Variants in CNTN5 observed in about 807,000 individuals in gnomAD.
The protein encoded by CNTN5 is contactin 5, also known as contactin-5.
A neutral mutation model predicts 129.1 loss-of-function variants in CNTN5; 77 were observed. The observed-to-expected ratio is 0.60, with a 90% CI of 0.50 to 0.72. CNTN5 has a LOEUF of 0.72. Ranked by LOEUF, CNTN5 falls within the 30% of genes least tolerant of loss-of-function variation. The pLI is 0.00. For missense variants in CNTN5, 1,478 were observed against 1,328.8 expected, an observed-to-expected ratio of 1.11 and a Z score of -1.75; for synonymous variants, 509 against 465.6, an observed-to-expected ratio of 1.09 and a Z score of -1.20.
chr11:99,432,434 TCTTTC>T (rs1178224774), intron 2 of CNTN5, among the ~76,000 whole-genome samples: 17 of 147,292 alleles, frequency 1.2e-4, no homozygotes, highest in African/African-American at 3.5e-4. Context: ...CTTTTCCTTT[TCTTTC>T]CTTTTCTTTT....
intron 1 of CNTN5, among the ~76,000 whole-genome samples, chr11:99,061,975 G>A (rs1334559250): frequency 6.8e-6 from 1 of 146,326 alleles, no homozygotes; most frequent in Non-Finnish European, 1.5e-5. Context: ...GTGGGCAACA[G>A]AGTAAGATCC....
At chr11:99,655,388 C>T (rs971136141) in intron 3 of CNTN5, among the ~76,000 whole-genome samples, 3 of 152,072 alleles carry the variant, frequency 2.0e-5, no homozygotes, top group African/African-American at 7.2e-5. Flanking sequence ...ACTTGGCAAA[C>T]GATTCTTGTC....
intron 1 of CNTN5, among the ~76,000 whole-genome samples, chr11:99,040,833 G>T (rs1242639755): frequency 1.3e-5 from 2 of 151,898 alleles, no homozygotes; most frequent in Non-Finnish European, 2.9e-5. Context: ...TACCTTTTAC[G>T]GTGAAAGAAG....
At chr11:99,102,038 T>C (rs959368664) in intron 1 of CNTN5, among the ~76,000 whole-genome samples, 2 of 152,314 alleles carry the variant, frequency 1.3e-5, no homozygotes, top group Middle Eastern at 3.4e-3. Flanking sequence ...ACCTCAATTC[T>C]TGATTTTGTG....
At chr11:99,550,199 A>T (rs1948436866) in intron 2 of CNTN5, among the ~76,000 whole-genome samples, 1 of 152,158 alleles carries the variant, frequency 6.6e-6, no homozygotes, top group African/African-American at 2.4e-5. Context: ...CAGGACACAA[A>T]ACTGTCATTT....
At chr11:100,099,827 G>A (rs922315703) in intron 13 of CNTN5, among the ~76,000 whole-genome samples, 5 of 151,892 alleles carry the variant, frequency 3.3e-5, no homozygotes, top group South Asian at 2.1e-4. Flanking sequence ...ACTAAGTTAC[G>A]TGTTATCTCA....
intron 3 of CNTN5, among the ~76,000 whole-genome samples, chr11:99,685,395 T>C (rs1222660801): frequency 1.3e-5 from 2 of 151,884 alleles, no homozygotes; most frequent in African/African-American, 2.4e-5. Context: ...TGTTGAAATA[T>C]GCTGTTTAAA....
chr11:99,160,023 A>C (rs1259763540), intron 1 of CNTN5, among the ~76,000 whole-genome samples: 1 of 152,210 alleles, frequency 6.6e-6, no homozygotes, highest in East Asian at 1.9e-4. Flanking sequence ...AAACAAGAGT[A>C]GTCTCTGTGT....
chr11:99,921,889 A>T (rs985378621), intron 7 of CNTN5, among the ~76,000 whole-genome samples: 4 of 152,348 alleles, frequency 2.6e-5, no homozygotes, highest in Middle Eastern at 3.4e-3. Flanking sequence ...AACCTTTCTT[A>T]AAATTTACCT....
At chr11:100,147,155 C>T (rs1284304021) in intron 13 of CNTN5, among the ~76,000 whole-genome samples, 1 of 152,100 alleles carries the variant, frequency 6.6e-6, no homozygotes, top group Non-Finnish European at 1.5e-5. Context: ...TCTGCCAGCC[C>T]ACCTCAAATT....
In CNTN5 at chr11:99,371,628, GA is replaced by G. The variant is rs538198665; in HGVS notation, c.-71+46153del. The stretch of plus-strand genomic sequence containing the variant: ...TAACTTTGATATCCAATATTAAGGA[GA>G]AAAAAAAATATTACTCTGCTTACAG... On this transcript the variant is annotated intron_variant, in intron 2 of 24. Coordinates refer to ENST00000524871, the MANE Select transcript of CNTN5 (RefSeq NM_014361.4). Among the ~76,000 whole-genome samples, 880 of 151,180 alleles carry G rather than the reference GA, an allele frequency of 5.8e-3. 8 individuals carry two copies. The highest frequency in any genetic ancestry group is 0.019 in the African/African-American group (799 of 41,294).
intron 2 of CNTN5, among the ~76,000 whole-genome samples, chr11:99,329,539 T>C (rs1865918603): frequency 6.6e-6 from 1 of 152,104 alleles, no homozygotes. Context: ...TCCTACAACA[T>C]AAGAAGGGCT....
intron 21 of CNTN5, among the ~76,000 whole-genome samples, chr11:100,310,287 C>T (rs1951446399): frequency 6.6e-6 from 1 of 151,818 alleles, no homozygotes; most frequent in African/African-American, 2.4e-5. Context: ...AACCCAGGCT[C>T]CTATATCTCA....
intron 2 of CNTN5, among the ~76,000 whole-genome samples, chr11:99,397,867 A>G (rs1406271700): frequency 2.0e-5 from 3 of 152,014 alleles, no homozygotes; most frequent in African/African-American, 7.2e-5. Flanking sequence ...GCTCATTTCT[A>G]AGGAATATTG....
At chr11:99,598,926 AGCTCAAAATTAT>A (rs1297895851) in intron 3 of CNTN5, among the ~76,000 whole-genome samples, 10 of 152,144 alleles carry the variant, frequency 6.6e-5, no homozygotes, top group African/African-American at 2.4e-4. Flanking sequence ...AATACTGTAA[AGCTCAAAATTAT>A]GCCTATGATA....
intron 13 of CNTN5, among the ~76,000 whole-genome samples, chr11:100,128,821 T>A (rs975815857): frequency 1.3e-5 from 2 of 151,828 alleles, no homozygotes; most frequent in Non-Finnish European, 2.9e-5. Context: ...GCCACCCCCC[T>A]AAGCCAACTT....
chr11:100,040,560 C>A (rs1215833585), intron 9 of CNTN5, among the ~76,000 whole-genome samples: 1 of 152,172 alleles, frequency 6.6e-6, no homozygotes, highest in Admixed American at 6.5e-5. Context: ...TGTGCCCTGC[C>A]CCCAGAGGTG....
At chr11:99,793,377 A>T (rs1389452323) in intron 3 of CNTN5, among the ~76,000 whole-genome samples, 4 of 147,196 alleles carry the variant, frequency 2.7e-5, no homozygotes, top group African/African-American at 9.9e-5. Context: ...TTAATTTTTT[A>T]AAATAATCAG....
intron 2 of CNTN5, among the ~76,000 whole-genome samples, chr11:99,339,422 C>T (rs1035853036): frequency 6.6e-6 from 1 of 151,888 alleles, no homozygotes; most frequent in African/African-American, 2.4e-5. Context: ...TGCTCTGAGG[C>T]ATAAAGAATG....
Sources: gnomAD v4.1 joint callset for allele counts (sites outside exome capture counted in the v4.1 genomes callset) on GRCh38, gnomAD v4.1.1 for gene constraint, MANE v1.5 for transcripts, NCBI Gene and HGNC (gene_info 2026-07-23, HGNC 2026-07-21) for gene names.